The following TEAD1 variants were observed in gnomAD, a reference collection of about 807,000 sequenced individuals.
The protein encoded by TEAD1 is TEA domain transcription factor 1.
TEAD1 carries 9 observed loss-of-function variants against 54.9 expected under a neutral mutation model. The ratio of observed to expected loss-of-function variants is 0.16; its 90% CI spans 0.10 to 0.29. The LOEUF (loss-of-function observed/expected upper bound fraction) is 0.29, where lower values mean the gene tolerates loss of function less well. Ranked by LOEUF, TEAD1 falls within the 10% of genes least tolerant of loss-of-function variation. TEAD1 has a pLI of 1.00. For synonymous variants in TEAD1, 200 were observed against 187.8 expected (o/e 1.07, Z -0.53); for missense variants, 387 against 535.9 (o/e 0.72, Z 2.74).
intron 2 of TEAD1, among the ~76,000 whole-genome samples, chr11:12,715,577 A>G (rs892538020): frequency 2.6e-5 from 4 of 152,110 alleles, no homozygotes; most frequent in African/African-American, 9.7e-5. Flanking sequence ...GCTGCACGTG[A>G]TGCAGACGGG....
At position 12,864,875 on chromosome 11, in the gene TEAD1, C is replaced by A; in HGVS notation, c.305C>A (p.Ser102Tyr). ...ATTCAGGTTCTTGCCAGAAGGAAATCTCGTGATTTTCATTCCAAGCTAAAG... is the reference window on the plus strand; with the variant it reads ...ATTCAGGTTCTTGCCAGAAGGAAATATCGTGATTTTCATTCCAAGCTAAAG... Residue 102 changes from serine to tyrosine, a missense_variant, in exon 5 of 13, where the codon TCT becomes TAT. By Grantham distance (144) the Ser-to-Tyr change is moderately radical. Transcript: ENST00000527636. 1 of 1,614,148 alleles carries A rather than the reference C, an allele frequency of 6.2e-7. No homozygotes were observed. The highest frequency in any genetic ancestry group is 8.5e-7 in the Non-Finnish European group (1 of 1,180,030).
intron 2 of TEAD1, among the ~76,000 whole-genome samples, chr11:12,754,391 T>A (rs1467529744): frequency 2.6e-5 from 4 of 152,124 alleles, no homozygotes; most frequent in Non-Finnish European, 4.4e-5. Flanking sequence ...GTGATTTGGG[T>A]ATGCTTTGAG....
At chr11:12,676,493 A>G (rs7926971) in intron 2 of TEAD1, among the ~76,000 whole-genome samples, 62,543 of 152,096 alleles carry the variant, frequency 0.41, 13,230 homozygotes, top group South Asian at 0.56. Context: ...TCACCCTTTC[A>G]CTGTTGGGTT....
chr11:12,709,181 T>C (rs1310931018), intron 2 of TEAD1, among the ~76,000 whole-genome samples: 1 of 152,070 alleles, frequency 6.6e-6, no homozygotes, highest in Non-Finnish European at 1.5e-5. Context: ...CTACTAAAAA[T>C]ACAAAAATTG....
intron 3 of TEAD1, among the ~76,000 whole-genome samples, chr11:12,839,377 C>T (rs79939904): frequency 0.023 from 3,452 of 152,266 alleles, 145 homozygotes; most frequent in African/African-American, 0.077. Flanking sequence ...TGACACTGTA[C>T]TCCAGCCTCG....
intron 2 of TEAD1, among the ~76,000 whole-genome samples, chr11:12,758,085 A>C (rs755962665): frequency 7.2e-5 from 11 of 152,056 alleles, no homozygotes; most frequent in Non-Finnish European, 1.3e-4. Flanking sequence ...CTGGAGGTTC[A>C]TTCTTTCTTT....
At position 12,781,976 on chromosome 11, in the gene TEAD1, G is replaced by A. The variant is rs28862334; in HGVS notation, c.202+17542G>A. Reference sequence around the variant, plus strand: ...CAAAAAAAAAAAAAAAAAAAAGAAAGAAAAAAAGAAAAAGAAAAAAAAAAT... The same window carrying A: ...CAAAAAAAAAAAAAAAAAAAAGAAAAAAAAAAAGAAAAAGAAAAAAAAAAT... On this transcript the variant is annotated intron_variant, in intron 3 of 12. Coordinates refer to ENST00000527636, the MANE Select transcript of TEAD1 (RefSeq NM_021961.6). Among the ~76,000 whole-genome samples, 894 of 119,380 alleles carry A rather than the reference G, an allele frequency of 7.5e-3. 24 individuals carry two copies. The highest frequency in any genetic ancestry group is 0.033 in the African/African-American group (689 of 20,734). The allele number at this position is 119,380 out of a possible 152,430, so 78.3% of individuals were successfully genotyped here. A position where few individuals can be genotyped will look rare whatever the true frequency, so the allele number is the denominator to read the frequency against.
intron 5 of TEAD1, chr11:12,865,472 T>C (rs1947598088): frequency 6.4e-6 from 1 of 155,378 alleles, no homozygotes; most frequent in Non-Finnish European, 1.4e-5. Flanking sequence ...CATTGCTTAC[T>C]ACTGTTTTTT....
At chr11:12,675,306 C>A (rs1357858679) in intron 1 of TEAD1, 103 bp from the exon 2 acceptor site, 1 of 152,264 alleles carries the variant, frequency 6.6e-6, no homozygotes. Flanking sequence ...CCGGGTACCC[C>A]CGAGGCCGGC....
intron 3 of TEAD1, among the ~76,000 whole-genome samples, chr11:12,845,507 A>G (rs2134041528): frequency 6.6e-6 from 1 of 152,246 alleles, no homozygotes; most frequent in South Asian, 2.1e-4. Flanking sequence ...CCCAGATCCA[A>G]AGCTCTGTGA....
intron 2 of TEAD1, among the ~76,000 whole-genome samples, chr11:12,742,588 C>T (rs919114427): frequency 5.3e-5 from 8 of 152,034 alleles, no homozygotes; most frequent in African/African-American, 2.4e-5. Flanking sequence ...ATGTTCTTAT[C>T]ACAAAGAAAT....
intron 2 of TEAD1, among the ~76,000 whole-genome samples, chr11:12,725,643 T>C (rs1184187255): frequency 2.0e-5 from 3 of 152,112 alleles, no homozygotes; most frequent in Non-Finnish European, 4.4e-5. Context: ...TGTGAGTGAA[T>C]ATACAGATTT....
chr11:12,680,672 G>T (rs35073589), intron 2 of TEAD1, among the ~76,000 whole-genome samples: 83 of 152,322 alleles, frequency 5.4e-4, no homozygotes, highest in Non-Finnish European at 9.4e-4. Flanking sequence ...CATTCTGCAG[G>T]TAACAGGGAT....
At chr11:12,728,966 A>C (rs1359876232) in intron 2 of TEAD1, among the ~76,000 whole-genome samples, 1 of 152,164 alleles carries the variant, frequency 6.6e-6, no homozygotes, top group Non-Finnish European at 1.5e-5. Context: ...ATCAGCCCTG[A>C]CACCTGCAAA....
At chr11:12,699,193 C>A (rs560172505) in intron 2 of TEAD1, among the ~76,000 whole-genome samples, 13 of 152,020 alleles carry the variant, frequency 8.6e-5, no homozygotes. Flanking sequence ...TCATTGGTTT[C>A]TTCATGGATC....
intron 2 of TEAD1, among the ~76,000 whole-genome samples, chr11:12,730,092 A>G (rs1306613138): frequency 6.6e-6 from 1 of 152,214 alleles, no homozygotes; most frequent in Non-Finnish European, 1.5e-5. Flanking sequence ...AGCCTGTATC[A>G]GGAGGTTCAT....
At position 12,879,702 on chromosome 11, in the gene TEAD1, T is replaced by C; in HGVS notation, c.331-6T>C. ...ATTAAGTTGGTGTGTCACTGTCACC[T>C]TCAAGGATCAGACTGCAAAGGATAA... On this transcript the variant is annotated splice_polypyrimidine_tract_variant and splice_region_variant and intron_variant, in intron 5 of 12. Transcript: ENST00000527636. The C allele has an allele frequency of 6.2e-7, 1 of 1,614,200 alleles. No homozygotes were observed.
chr11:12,694,281 G>C (rs1943529055), intron 2 of TEAD1, among the ~76,000 whole-genome samples: 1 of 150,300 alleles, frequency 6.7e-6, no homozygotes, highest in Non-Finnish European at 1.5e-5. Flanking sequence ...TTGAGAGAAA[G>C]GAGAGAAAAA....
intron 2 of TEAD1, among the ~76,000 whole-genome samples, chr11:12,726,404 A>C (rs1296235306): frequency 1.3e-5 from 2 of 152,214 alleles, no homozygotes. Flanking sequence ...ACTTAAATGC[A>C]TGTAAGAAGT....
Sources: allele counts gnomAD v4.1 joint callset (sites outside exome capture counted in the v4.1 genomes callset), GRCh38; gene constraint gnomAD v4.1.1; transcripts MANE v1.5; gene names NCBI Gene and HGNC (gene_info 2026-07-23, HGNC 2026-07-21).